ABCA13: variants seen among roughly 807,000 people sequenced by gnomAD.
ABCA13 encodes the protein ATP binding cassette subfamily A member 13, also known as ATP-binding cassette sub-family A member 13.
In ABCA13, 476 loss-of-function variants were observed where a neutral mutation model predicts 478.7. The ratio of observed to expected loss-of-function variants is 0.99; its 90% CI spans 0.92 to 1.07. The LOEUF (loss-of-function observed/expected upper bound fraction) is 1.07. Ranked by LOEUF, ABCA13 falls within the 50% of genes least tolerant of loss-of-function variation. The probability of loss-of-function intolerance (pLI) is 0.00; values close to 1 mark genes in which losing one functional copy is unlikely to be tolerated. For missense variants in ABCA13, 6,060 were observed against 5,910.6 expected, an observed-to-expected ratio of 1.03 and a Z score of -0.83; for synonymous variants, 2,252 against 2,158.9, an observed-to-expected ratio of 1.04 and a Z score of -1.20.
At chr7:48,384,819 G>GTA (rs913690762) in intron 35 of ABCA13, among the ~76,000 whole-genome samples, 3 of 152,204 alleles carry the variant, frequency 2.0e-5, no homozygotes, top group Non-Finnish European at 4.4e-5. Flanking sequence ...GTGTATGTGG[G>GTA]TATATATATG....
chr7:48,347,026 A>G (rs1460029882), intron 29 of ABCA13, among the ~76,000 whole-genome samples: 1 of 152,134 alleles, frequency 6.6e-6, no homozygotes. Flanking sequence ...TACCCACACT[A>G]TTTAGAAATC....
At chr7:48,528,430 A>C in intron 55 of ABCA13, 85 bp downstream of exon 55, 1 of 949,094 alleles carries the variant, frequency 1.1e-6, no homozygotes. Context: ...GTCCCGTGGA[A>C]TAAAATTTGA....
intron 29 of ABCA13, among the ~76,000 whole-genome samples, chr7:48,340,255 C>T (rs1388167489): frequency 1.9e-4 from 29 of 152,166 alleles, no homozygotes. Flanking sequence ...TACAGGTGCG[C>T]ACCGCCATGC....
rs1813136981 is a variant in ABCA13, at chr7:48,374,394, AT to A, written c.11183del (p.Phe3728SerfsTer23). The A allele has an allele frequency of 6.2e-7, 1 of 1,610,310 alleles. No individual in the cohort carries two copies. Among genetic ancestry groups the A allele is most frequent in the Non-Finnish European group, 8.5e-7 (1 of 1,178,450 alleles). On this transcript the variant is annotated frameshift_variant, in exon 34 of 62. Coordinates refer to ENST00000435803, the MANE Select transcript of ABCA13 (RefSeq NM_152701.5). LOFTEE classifies it high-confidence loss of function. ...AFGQGVFFIT[F>X]LEGQETGIQW... Reference sequence around the variant, plus strand: ...TTGGACAAGGGGTATTTTTTATTACATTCCTGGAAGGACAAGAGACAGGTAA... The same window carrying A: ...TTGGACAAGGGGTATTTTTTATTACATCCTGGAAGGACAAGAGACAGGTAA...
intron 29 of ABCA13, among the ~76,000 whole-genome samples, chr7:48,345,959 A>G (rs1221540760): frequency 6.6e-6 from 1 of 152,182 alleles, no homozygotes; most frequent in Non-Finnish European, 1.5e-5. Flanking sequence ...CTATGTTTAG[A>G]TATGTTTAGA....
intron 3 of ABCA13, among the ~76,000 whole-genome samples, chr7:48,203,551 G>A (rs1395838140): frequency 6.6e-6 from 1 of 152,214 alleles, no homozygotes; most frequent in Non-Finnish European, 1.5e-5. Context: ...ACCATCTGAT[G>A]TAGCTTATGG....
At chr7:48,578,234 GA>G (rs1473528794) in intron 55 of ABCA13, among the ~76,000 whole-genome samples, 1 of 152,084 alleles carries the variant, frequency 6.6e-6, no homozygotes, top group African/African-American at 2.4e-5. Context: ...AATAAGAGCA[GA>G]AAAGGGAGTT....
chr7:48,216,926 TC>T (rs1786567350), intron 3 of ABCA13, among the ~76,000 whole-genome samples: 1 of 152,234 alleles, frequency 6.6e-6, no homozygotes, highest in African/African-American at 2.4e-5. Context: ...TTTTAAGCTT[TC>T]TGGAATTTCT....
At chr7:48,566,663 C>T (rs897786503) in intron 55 of ABCA13, among the ~76,000 whole-genome samples, 5 of 152,112 alleles carry the variant, frequency 3.3e-5, no homozygotes, top group African/African-American at 1.2e-4. Context: ...GCTGTACCCA[C>T]TTAGTGCTTC....
chr7:48,512,950 G>C (rs1304267756), intron 51 of ABCA13, among the ~76,000 whole-genome samples: 1 of 152,198 alleles, frequency 6.6e-6, no homozygotes, highest in South Asian at 2.1e-4. Context: ...AGCCCCCAAG[G>C]AAAGTTTATC....
At chr7:48,502,594 A>G (rs1830855113) in intron 48 of ABCA13, among the ~76,000 whole-genome samples, 1 of 152,160 alleles carries the variant, frequency 6.6e-6, no homozygotes, top group Non-Finnish European at 1.5e-5. Flanking sequence ...GGAAAACCAG[A>G]CACGTGTGCT....
Position 48,580,337 on chromosome 7 carries a change from G to A in ABCA13, c.14468G>A (p.Cys4823Tyr), listed in dbSNP as rs756142739. The A allele has an allele frequency of 3.1e-6, 5 of 1,613,010 alleles. No individual in the cohort carries two copies. The highest frequency in any genetic ancestry group is 4.2e-6 in the Non-Finnish European group (5 of 1,179,534). Residue 4823 changes from cysteine to tyrosine, a missense_variant, in exon 56 of 62, where the codon TGT becomes TAT. Coordinates refer to ENST00000435803, the MANE Select transcript of ABCA13 (RefSeq NM_152701.5). ...GGTTGGGAACATCTCTATTATTACT[G>A]TAGCTTACGCGGGATTCCAAGGCAG... is the stretch of plus-strand genomic sequence containing the variant. ...LTGWEHLYYY[C>Y]SLRGIPRQCI...
At chr7:48,551,909 A>G (rs907624004) in intron 55 of ABCA13, among the ~76,000 whole-genome samples, 3 of 151,808 alleles carry the variant, frequency 2.0e-5, no homozygotes, top group African/African-American at 7.2e-5. Context: ...GACAGTCAGC[A>G]TGCAATGGAG....
chr7:48,612,656 A>G (rs938813658), intron 58 of ABCA13, among the ~76,000 whole-genome samples: 3 of 152,206 alleles, frequency 2.0e-5, no homozygotes, highest in East Asian at 1.9e-4. Context: ...ATATTCTCCT[A>G]CTGTGAAACA....
At chr7:48,556,573 C>T (rs1013295759) in intron 55 of ABCA13, among the ~76,000 whole-genome samples, 1 of 151,986 alleles carries the variant, frequency 6.6e-6, no homozygotes, top group African/African-American at 2.4e-5. Context: ...TTTGTCTCTT[C>T]TTATGGATTT....
chr7:48,397,780 T>C (rs1817044266), intron 38 of ABCA13, among the ~76,000 whole-genome samples: 1 of 152,216 alleles, frequency 6.6e-6, no homozygotes, highest in African/African-American at 2.4e-5. Flanking sequence ...GGATGGATGC[T>C]GACACTGTGA....
At chr7:48,498,211 G>A (rs1830442952) in intron 48 of ABCA13, among the ~76,000 whole-genome samples, 1 of 152,142 alleles carries the variant, frequency 6.6e-6, no homozygotes, top group East Asian at 1.9e-4. Context: ...CTGAGATGGT[G>A]GGGACAGTTT....
rs147797318 is a variant in ABCA13 at position 48,332,779 on chromosome 7, C to T, written c.10000-2643C>T. On this transcript the variant is annotated intron_variant, in intron 27 of 61. Transcript: ENST00000435803. ...AATGTTAGGCTACTTTCTTCTGGCT[C>T]CCAGGGTTTCAGATGAGAGATTTGC... 2.0e-5 allele frequency among the ~76,000 whole-genome samples: 3 copies of T among 152,252 alleles called. No individual in the cohort carries two copies. In the East Asian group the frequency reaches 5.8e-4, roughly 29 times the overall value.
At chr7:48,358,166 A>AAGGACAGGACAGGACAGGAC (rs377040023) in intron 31 of ABCA13, among the ~76,000 whole-genome samples, 1,698 of 135,678 alleles carry the variant, frequency 0.013, 13 homozygotes, top group Non-Finnish European at 0.02. Context: ...AAAAAAAAGA[A>AAGGACAGGACAGGACAGGAC]AGGACAGGAC....
Sources: gnomAD v4.1 joint callset for allele counts (sites outside exome capture counted in the v4.1 genomes callset) on GRCh38, gnomAD v4.1.1 for gene constraint, MANE v1.5 for transcripts, NCBI Gene and HGNC (gene_info 2026-07-23, HGNC 2026-07-21) for gene names.